Variants in HTD2 observed in about 807,000 individuals in gnomAD.
HTD2 encodes hydroxyacyl-thioester dehydratase type 2, mitochondrial.
A neutral mutation model predicts 3.1 loss-of-function variants in HTD2; 1 was observed. The observed-to-expected ratio is 0.32, with a 90% CI of 0.11 to 1.52. HTD2 has a LOEUF of 1.52. HTD2 is among the 40% of genes most tolerant of loss of function. The probability of loss-of-function intolerance (pLI) is 0.39; values close to 1 mark genes in which losing one functional copy is unlikely to be tolerated. For synonymous variants in HTD2, 50 were observed against 28.9 expected (o/e 1.73, Z -2.34); for missense variants, 150 against 79.6 (o/e 1.88, Z -3.36).
intron 1 of HTD2, chr3:58,310,125 C>G: frequency 1.8e-6 from 1 of 563,842 alleles, no homozygotes; most frequent in Non-Finnish European, 3.2e-6. Flanking sequence ...ACCTGAGCCT[C>G]GAGAGCCAGA....
rs534403993 is a variant in HTD2, at chr3:58,316,780, A to G, written c.-253-135A>G. On this transcript the variant is annotated intron_variant, in intron 3 of 4. Transcript: ENST00000461393. ...TACTCTAGAGAGGGCAAAACTTACG[A>G]TTTGGTTACAGCTGTAGTTTTCCCA... 9.0e-6 allele frequency: 8 copies of G among 891,852 alleles called. No homozygotes were observed. The East Asian group carries it at 1.0e-4, about 11-fold the overall frequency. 55.2% of individuals were successfully genotyped at this position (891,852 alleles called of 1,614,324 possible).
chr3:58,317,785 G>A lies in HTD2; in HGVS notation c.172G>A (p.Glu58Lys). ...FTQTDVATFS[E>K]LTGDVNPLHL... ...ACAGACTGATGTGGCTACCTTCTCAGAATTAACAGGGGATGTCAATCCTTT... is the reference window on the plus strand; with the variant it reads ...ACAGACTGATGTGGCTACCTTCTCAAAATTAACAGGGGATGTCAATCCTTT... The change falls in exon 5 of 5, where the codon GAA (glutamate) becomes AAA (lysine). Residue 58 changes from glutamate (E) to lysine (K), a missense_variant. By Grantham distance (56) the Glu-to-Lys change is moderately conservative. Coordinates refer to ENST00000461393, the MANE Select transcript of HTD2 (RefSeq NM_001348712.2). 3 of 703,098 alleles carry A rather than the reference G, an allele frequency of 4.3e-6. No individual in the cohort carries two copies. The highest frequency in any genetic ancestry group is 7.8e-6 in the Non-Finnish European group (3 of 385,012). 43.6% of individuals were successfully genotyped at this position (703,098 alleles called of 1,614,324 possible). A position where few individuals can be genotyped will look rare whatever the true frequency, so the allele number is the denominator to read the frequency against.
intron 1 of HTD2, chr3:58,308,032 A>G (rs1198933403): frequency 2.6e-5 from 4 of 151,992 alleles, no homozygotes; most frequent in Admixed American, 1.3e-4. Flanking sequence ...TCACTCCCCT[A>G]TTTTAGGCAG....
chr3:58,317,525 C>T lies in HTD2; in HGVS notation c.-89C>T, dbSNP rs374472051. On this transcript the variant is annotated 5_prime_UTR_variant, in exon 5 of 5. Coordinates refer to ENST00000461393, the MANE Select transcript of HTD2 (RefSeq NM_001348712.2). ...AATAGTCTTCCATTTTGGAAACGTT[C>T]ATCCACTCTCATATTTATTTTTTGG... The T allele has an allele frequency of 3.5e-6, 5 of 1,410,256 alleles. No homozygotes were observed. The highest frequency in any genetic ancestry group is 1.2e-5 in the South Asian group (1 of 85,744). The allele number at this position is 1,410,256 out of a possible 1,614,324, so 87.4% of individuals were successfully genotyped here. A position where few individuals can be genotyped will look rare whatever the true frequency, so the allele number is the denominator to read the frequency against.
chr3:58,314,699 T>C (rs1188123877), intron 2 of HTD2, among the ~76,000 whole-genome samples: 1 of 141,368 alleles, frequency 7.1e-6, no homozygotes, highest in Non-Finnish European at 1.5e-5. Context: ...TTTTTTTTTT[T>C]TGTTGAGATG....
rs2097489828 is a variant in HTD2, at chr3:58,317,710, C to A, written c.97C>A (p.His33Asn). 2 of 703,982 alleles carry A rather than the reference C, an allele frequency of 2.8e-6. No individual in the cohort carries two copies. Among genetic ancestry groups the A allele is most frequent in the African/African-American group, 3.5e-5 (2 of 57,272 alleles). 43.6% of individuals were successfully genotyped at this position (703,982 alleles called of 1,614,324 possible). The change falls in exon 5 of 5, where the codon CAT becomes AAT. Residue 33 changes from histidine (H) to asparagine (N), a missense_variant. His to Asn is a moderately conservative substitution (Grantham distance 68, BLOSUM62 1). Transcript: ENST00000461393. ...AGTGCTGACCCTGCAGCACTTTCAG[C>A]ATATGCACATCAAAGTTGGAGACCG... ...LPVLTLQHFQ[H>N]MHIKVGDRAE...
chr3:58,308,939 A>G (rs1236601361), intron 1 of HTD2, among the ~76,000 whole-genome samples: 2 of 152,262 alleles, frequency 1.3e-5, no homozygotes, highest in South Asian at 4.1e-4. Context: ...AGCCAAGGAA[A>G]GGAACTGTCT....
rs1007786600 is a variant in HTD2 at position 58,318,366 on chromosome 3, T to C, written c.*246T>C. The C allele has an allele frequency of 1.1e-5, 4 of 356,582 alleles. No homozygotes were observed. Among genetic ancestry groups the C allele is most frequent in the Non-Finnish European group, 2.0e-5 (4 of 198,980 alleles). The allele number at this position is 356,582 out of a possible 1,614,324, so 22.1% of individuals were successfully genotyped here. On this transcript the variant is annotated 3_prime_UTR_variant, in exon 5 of 5. Coordinates refer to ENST00000461393, the MANE Select transcript of HTD2 (RefSeq NM_001348712.2). ...TTTTGTTTGTTTTTTGTTTTTTAAT[T>C]CAAGAAGTAGGCTGGGCCCGGTGGC...
At chr3:58,315,139 A>G (rs2107507438) in intron 2 of HTD2, among the ~76,000 whole-genome samples, 1 of 152,282 alleles carries the variant, frequency 6.6e-6, no homozygotes, top group East Asian at 1.9e-4. Context: ...ATGAAACTGA[A>G]AACACCCCAT....
intron 2 of HTD2, among the ~76,000 whole-genome samples, chr3:58,312,125 A>G (rs2097482902): frequency 6.6e-6 from 1 of 152,140 alleles, no homozygotes; most frequent in South Asian, 2.1e-4. Flanking sequence ...AAGCACTGGG[A>G]TTACAGACAT....
intron 2 of HTD2, among the ~76,000 whole-genome samples, chr3:58,316,179 A>T (rs9837903): frequency 0.07 from 10,701 of 152,316 alleles, 491 homozygotes; most frequent in South Asian, 0.1. Flanking sequence ...ATGTTGGACA[A>T]TTAGTGACAA....
chr3:58,316,639 G>T, intron 3 of HTD2, 48 bp downstream of exon 3: 1 of 1,495,392 alleles, frequency 6.7e-7, no homozygotes, highest in South Asian at 1.1e-5. Context: ...CAGAGAGACC[G>T]ATGGAGCAAA....
intron 2 of HTD2, among the ~76,000 whole-genome samples, chr3:58,311,404 C>G (rs1043268170): frequency 4.6e-5 from 7 of 152,226 alleles, no homozygotes; most frequent in Admixed American, 2.0e-4. Flanking sequence ...ATCCACGCGC[C>G]TTGGGCTCCC....
intron 2 of HTD2, among the ~76,000 whole-genome samples, chr3:58,315,409 G>C (rs1201228366): frequency 1.3e-5 from 2 of 152,122 alleles, no homozygotes; most frequent in Admixed American, 1.3e-4. Flanking sequence ...TGGCTGTAAA[G>C]GGTAGAATAA....
intron 1 of HTD2, among the ~76,000 whole-genome samples, chr3:58,307,276 C>A (rs1194577143): frequency 6.6e-6 from 1 of 152,136 alleles, no homozygotes; most frequent in African/African-American, 2.4e-5. Context: ...AAAACGGGAA[C>A]CATAGCAAGA....
upstream of HTD2, chr3:58,306,450 T>G (rs2097474616): frequency 6.6e-6 from 1 of 152,286 alleles, no homozygotes; most frequent in Non-Finnish European, 1.5e-5. Context: ...GCGGCGGTTG[T>G]CTGGGAGCCG....
At chr3:58,307,858 T>G (rs1455019608) in intron 1 of HTD2, 1 of 146,678 alleles carries the variant, frequency 6.8e-6, no homozygotes, top group African/African-American at 2.5e-5. Context: ...TGCTGTCATT[T>G]GTAAGTCTTT....
At chr3:58,307,070 G>A (rs2097476054) in intron 1 of HTD2, among the ~76,000 whole-genome samples, 1 of 152,194 alleles carries the variant, frequency 6.6e-6, no homozygotes, top group Non-Finnish European at 1.5e-5. Context: ...TCCCAGCATG[G>A]GGAAAAGCTA....
chr3:58,313,124 C>T (rs1045067630), intron 2 of HTD2, among the ~76,000 whole-genome samples: 8 of 149,920 alleles, frequency 5.3e-5, no homozygotes, highest in African/African-American at 1.5e-4. Flanking sequence ...CCGGGCGCAG[C>T]GGCGGGCACC....
Sources: gnomAD v4.1 joint callset for allele counts (sites outside exome capture counted in the v4.1 genomes callset) on GRCh38, gnomAD v4.1.1 for gene constraint, MANE v1.5 for transcripts, NCBI Gene and HGNC (gene_info 2026-07-23, HGNC 2026-07-21) for gene names.